Variants in AGK observed in about 807,000 individuals in gnomAD.
AGK encodes acylglycerol kinase, mitochondrial.
Under a neutral mutation model 66.4 loss-of-function variants are expected in AGK, and 52 were observed. That is an observed-to-expected ratio of 0.78 (90% CI 0.63 to 0.99). The LOEUF is 0.99. AGK is among the 50% of genes least tolerant of loss of function. The pLI, the probability that AGK is intolerant of heterozygous loss-of-function variation, is 0.00. For missense variants in AGK, 451 were observed against 506.6 expected, an observed-to-expected ratio of 0.89 and a Z score of 1.05; for synonymous variants, 182 against 181.1, an observed-to-expected ratio of 1.00 and a Z score of -0.04.
chr7:141,563,849 G>A (rs902827167), intron 2 of AGK, among the ~76,000 whole-genome samples: 5 of 151,792 alleles, frequency 3.3e-5, no homozygotes, highest in East Asian at 1.9e-4. Context: ...TTTTCATATC[G>A]TAGATTCCTT....
At chr7:141,557,794 C>CA (rs1435943053) in intron 2 of AGK, among the ~76,000 whole-genome samples, 1 of 152,182 alleles carries the variant, frequency 6.6e-6, no homozygotes, top group Non-Finnish European at 1.5e-5. Flanking sequence ...TTCTTTTTCT[C>CA]AGACTGTTCT....
At chr7:141,582,575 T>G (rs188172481) in intron 2 of AGK, among the ~76,000 whole-genome samples, 1 of 152,116 alleles carries the variant, frequency 6.6e-6, no homozygotes, top group East Asian at 1.9e-4. Context: ...CTGTAAAGCA[T>G]CTAAGGGTTG....
intron 2 of AGK, among the ~76,000 whole-genome samples, chr7:141,574,303 C>A (rs1199433115): frequency 1.1e-4 from 16 of 152,142 alleles, no homozygotes; most frequent in Admixed American, 1.0e-3. Context: ...GTACCCAGAG[C>A]TTTGCCTGAT....
intron 4 of AGK, chr7:141,599,445 A>G (rs1796296548): frequency 6.6e-6 from 1 of 152,158 alleles, no homozygotes; most frequent in African/African-American, 2.4e-5. Context: ...AATCTTTTAT[A>G]TAGAAAATTA....
intron 2 of AGK, among the ~76,000 whole-genome samples, chr7:141,582,159 G>T (rs139696933): frequency 3.3e-5 from 5 of 152,050 alleles, no homozygotes; most frequent in Non-Finnish European, 7.3e-5. Context: ...CCAATTTCCA[G>T]TGGGGTCCTG....
chr7:141,606,478 A>T (rs1275275430), intron 5 of AGK, among the ~76,000 whole-genome samples: 1 of 152,108 alleles, frequency 6.6e-6, no homozygotes, highest in East Asian at 1.9e-4. Context: ...GCCACTTTAT[A>T]AAAAAGTAGA....
Position 141,654,573 on chromosome 7 carries a change from T to TGCCAGCCAGTCATTA in AGK, c.*1652_*1666dup, listed in dbSNP as rs1797644741. On this transcript the variant is annotated 3_prime_UTR_variant, in exon 16 of 16. Transcript: ENST00000649286. ...AAATCCACCTGATTTACCATGGCTT[T>TGCCAGCCAGTCATTA]GCCAGCCAGTCATTAGCACCATTTA... The TGCCAGCCAGTCATTA allele has an allele frequency of 6.6e-6, 1 of 152,270 alleles. No individual in the cohort carries two copies. Among genetic ancestry groups the TGCCAGCCAGTCATTA allele is most frequent in the African/African-American group, 2.4e-5 (1 of 41,470 alleles). The allele number at this position is 152,270 out of a possible 1,614,324, so 9.4% of individuals were successfully genotyped here.
chr7:141,593,518 T>A (rs771698164), intron 3 of AGK: 5 of 627,026 alleles, frequency 8.0e-6, no homozygotes, highest in Non-Finnish European at 1.4e-5. Context: ...TCATCCCTGA[T>A]CTGAATAACC....
intron 9 of AGK, among the ~76,000 whole-genome samples, chr7:141,631,597 C>T (rs962038636): frequency 3.9e-5 from 6 of 152,152 alleles, no homozygotes; most frequent in African/African-American, 1.4e-4. Flanking sequence ...TTTCTTCTTG[C>T]CTCTGTTCTT....
intron 2 of AGK, among the ~76,000 whole-genome samples, chr7:141,590,737 T>G (rs1269961667): frequency 1.3e-5 from 2 of 152,220 alleles, no homozygotes; most frequent in Non-Finnish European, 2.9e-5. Flanking sequence ...TTACCTCATC[T>G]TGTATATTTT....
chr7:141,649,274 T>C lies in AGK; in HGVS notation c.987T>C (p.Asp329=). The change falls in exon 14 of 16, where the codon GAT becomes GAC. Residue 329 remains aspartate (D), a synonymous_variant. Transcript: ENST00000649286. The part of the protein sequence containing the change: ...NNQLDPTSKE[D]FLNICIEPDT... ...CTTAACCTTTTTAGAGCAAAGAAGA[T>C]TTTCTGAATATCTGCATTGAACCTG... 2 of 1,613,586 alleles carry C rather than the reference T, an allele frequency of 1.2e-6. No homozygotes were observed. The highest frequency in any genetic ancestry group is 1.7e-6 in the Non-Finnish European group (2 of 1,179,598).
At chr7:141,564,365 G>A (rs537095737) in intron 2 of AGK, among the ~76,000 whole-genome samples, 2 of 152,296 alleles carry the variant, frequency 1.3e-5, no homozygotes, top group South Asian at 4.1e-4. Context: ...TACAGTCATG[G>A]CAAAAGGGGA....
intron 2 of AGK, among the ~76,000 whole-genome samples, chr7:141,563,079 C>T (rs926187157): frequency 6.6e-6 from 1 of 152,180 alleles, no homozygotes; most frequent in Non-Finnish European, 1.5e-5. Context: ...CACGGTTTTT[C>T]GTCTGTCTTG....
intron 11 of AGK, among the ~76,000 whole-genome samples, chr7:141,638,311 G>A (rs1797217542): frequency 1.3e-5 from 2 of 152,204 alleles, no homozygotes; most frequent in South Asian, 2.1e-4. Context: ...ACATTTAAAG[G>A]CTGTGTGAAG....
intron 4 of AGK, among the ~76,000 whole-genome samples, chr7:141,597,901 AAAAAAAAAAAAAAAAAAAG>A: frequency 1.5e-5 from 1 of 67,512 alleles, no homozygotes; most frequent in Non-Finnish European, 4.4e-5. Flanking sequence ...AAAAAAAAAA[AAAAAAAAAAAAAAAAAAAG>A]AAAGAAGAAA....
At chr7:141,645,601 G>A (rs1036884707) in intron 13 of AGK, among the ~76,000 whole-genome samples, 7 of 152,234 alleles carry the variant, frequency 4.6e-5, no homozygotes, top group Non-Finnish European at 5.9e-5. Flanking sequence ...AGTCCCCATC[G>A]TCTTTCTTAT....
At chr7:141,596,724 G>A in intron 4 of AGK, 83 bp downstream of exon 4, 1 of 1,243,328 alleles carries the variant, frequency 8.0e-7, no homozygotes, top group Admixed American at 1.7e-5. Flanking sequence ...TAGTGAGATT[G>A]TGTGGAATTG....
chr7:141,645,980 G>A (rs1017349423), intron 13 of AGK, among the ~76,000 whole-genome samples: 1 of 152,106 alleles, frequency 6.6e-6, no homozygotes, highest in African/African-American at 2.4e-5. Context: ...AGCAGCATAG[G>A]ACAGTGAGTC....
At position 141,555,820 on chromosome 7, in the gene AGK, A is replaced by C. The variant is rs907743137; in HGVS notation, c.101+253A>C. 2.0e-5 allele frequency among the ~76,000 whole-genome samples: 3 copies of C among 152,236 alleles called. No individual in the cohort carries two copies. Among genetic ancestry groups the C allele is most frequent in the Admixed American group, 2.0e-4 (3 of 15,280 alleles). On this transcript the variant is annotated intron_variant, in intron 2 of 15. Transcript: ENST00000649286. The surrounding 1 kb of genome is among the most constrained non-coding windows in gnomAD (Gnocchi z 4.2). ...AGCTATTTTTATTCATTATATTTAT[A>C]GTGGAAGAGATTAAGACATCTTAGA...
Sources: gnomAD v4.1 joint callset for allele counts (sites outside exome capture counted in the v4.1 genomes callset) on GRCh38, gnomAD v4.1.1 for gene constraint, Gnocchi (gnomAD v3.1) non-coding constraint, MANE v1.5 for transcripts, NCBI Gene and HGNC (gene_info 2026-07-23, HGNC 2026-07-21) for gene names.